Variants in XRCC5 observed in about 807,000 individuals in gnomAD.
XRCC5 encodes the protein DNA repair protein Ku80.
A neutral mutation model predicts 95.7 loss-of-function variants in XRCC5; 12 were observed. That is an observed-to-expected ratio of 0.13 (90% CI 0.08 to 0.20). The LOEUF is 0.20. Among genes scored for constraint, XRCC5 ranks in the 10% least tolerant of loss-of-function variants. The probability of loss-of-function intolerance (pLI) is 1.00; values close to 1 mark genes in which losing one functional copy is unlikely to be tolerated. For missense variants in XRCC5, 595 were observed against 873.9 expected (o/e 0.68, Z 4.02); for synonymous variants, 281 against 290.3 (o/e 0.97, Z 0.33).
intron 14 of XRCC5, among the ~76,000 whole-genome samples, chr2:216,151,684 C>A (rs1261913126): frequency 6.6e-6 from 1 of 152,152 alleles, no homozygotes; most frequent in Non-Finnish European, 1.5e-5. Flanking sequence ...ACTCTTGTAT[C>A]CCTAGGACCT....
intron 8 of XRCC5, among the ~76,000 whole-genome samples, chr2:216,129,385 A>C (rs1227903348): frequency 1.3e-5 from 2 of 152,094 alleles, no homozygotes; most frequent in Non-Finnish European, 1.5e-5. Context: ...TGGGCAAAGG[A>C]ATCTGGTTAA....
chr2:216,124,636 T>C (rs887053928), intron 6 of XRCC5, among the ~76,000 whole-genome samples: 2 of 152,208 alleles, frequency 1.3e-5, no homozygotes, highest in Non-Finnish European at 2.9e-5. Context: ...TACTATTCGT[T>C]GTAAATTATT....
chr2:216,119,598 A>T (rs1028418233), intron 5 of XRCC5, among the ~76,000 whole-genome samples: 3 of 152,208 alleles, frequency 2.0e-5, no homozygotes, highest in African/African-American at 7.2e-5. Context: ...GTAGACAGGA[A>T]TGCCAACTTG....
chr2:216,112,204 G>A (rs560759941), intron 1 of XRCC5, among the ~76,000 whole-genome samples: 2 of 152,216 alleles, frequency 1.3e-5, no homozygotes, highest in Non-Finnish European at 1.5e-5. Context: ...TCCTACATAC[G>A]TGATTGCTAT....
intron 1 of XRCC5, 99 bp downstream of exon 1, chr2:216,109,556 T>C: frequency 6.5e-7 from 1 of 1,540,792 alleles, no homozygotes; most frequent in Non-Finnish European, 8.9e-7. Flanking sequence ...AGACAAAGAA[T>C]GGGGCAAGAG....
At chr2:216,118,969 G>T in intron 4 of XRCC5, 74 bp from the exon 5 acceptor site, 2 of 1,518,856 alleles carry the variant, frequency 1.3e-6, no homozygotes, top group South Asian at 2.3e-5. Context: ...TCTCCTCAGT[G>T]ACCAAGTGTA....
chr2:216,140,688 T>C (rs892763545), intron 12 of XRCC5, among the ~76,000 whole-genome samples: 3 of 152,184 alleles, frequency 2.0e-5, no homozygotes, highest in Non-Finnish European at 4.4e-5. Flanking sequence ...AGGAATCAGC[T>C]CACCCTGATC....
intron 6 of XRCC5, among the ~76,000 whole-genome samples, chr2:216,124,496 G>T (rs958659149): frequency 6.6e-6 from 1 of 152,096 alleles, no homozygotes; most frequent in African/African-American, 2.4e-5. Context: ...AGGCCATGAG[G>T]TTTATATTCT....
chr2:216,140,976 G>T (rs1052629219), intron 12 of XRCC5, among the ~76,000 whole-genome samples: 6 of 152,110 alleles, frequency 3.9e-5, no homozygotes, highest in African/African-American at 1.4e-4. Context: ...GGTAGAACTG[G>T]AACCTAATCA....
At chr2:216,147,022 A>T (rs1246731518) in intron 13 of XRCC5, among the ~76,000 whole-genome samples, 2 of 152,220 alleles carry the variant, frequency 1.3e-5, no homozygotes, top group Non-Finnish European at 2.9e-5. Context: ...TGATAATTTT[A>T]GATAATGATG....
At chr2:216,126,558 A>T (rs1207405412) in intron 7 of XRCC5, among the ~76,000 whole-genome samples, 2 of 152,188 alleles carry the variant, frequency 1.3e-5, no homozygotes, top group South Asian at 2.1e-4. Context: ...GCTTTTGGTG[A>T]TTATTTGATG....
chr2:216,109,348 G>A lies in XRCC5; in HGVS notation c.-89G>A, dbSNP rs1696542031. The A allele has an allele frequency of 6.2e-7, 1 of 1,600,830 alleles. No individual in the cohort carries two copies. The highest frequency in any genetic ancestry group is 8.5e-7 in the Non-Finnish European group (1 of 1,173,578). On this transcript the variant is annotated 5_prime_UTR_variant, in exon 1 of 21. Coordinates refer to ENST00000392132, the MANE Select transcript of XRCC5 (RefSeq NM_021141.4). ...AGCAGGAAACGAAGCGGCTCTTTCC[G>A]CTATCTGCCGCTTGTCCACCGGAAG...
chr2:216,148,871 T>C (rs1368612423), intron 14 of XRCC5, among the ~76,000 whole-genome samples: 1 of 152,222 alleles, frequency 6.6e-6, no homozygotes, highest in Admixed American at 6.5e-5. Flanking sequence ...CCCTCTTCTG[T>C]TCACAATCTG....
intron 16 of XRCC5, among the ~76,000 whole-genome samples, chr2:216,183,791 C>A (rs1318044650): frequency 6.6e-6 from 1 of 152,130 alleles, no homozygotes; most frequent in Non-Finnish European, 1.5e-5. Context: ...GCTTCTCAGT[C>A]CAGCTGCTTA....
At position 216,126,046 on chromosome 2, in the gene XRCC5, C is replaced by A; in HGVS notation, c.798+15C>A. 1 of 1,591,922 alleles carries A rather than the reference C, an allele frequency of 6.3e-7. No individual in the cohort carries two copies. Among genetic ancestry groups the A allele is most frequent in the Non-Finnish European group, 8.6e-7 (1 of 1,160,734 alleles). The stretch of plus-strand genomic sequence containing the variant: ...CCTATAAATCGGTAAGTGGCAGGTA[C>A]ACATTTTTAACAGAAATGTTACCAG... On this transcript the variant is annotated intron_variant, in intron 7 of 20. Coordinates refer to ENST00000392132, the MANE Select transcript of XRCC5 (RefSeq NM_021141.4).
intron 16 of XRCC5, among the ~76,000 whole-genome samples, chr2:216,165,330 C>T (rs1382018227): frequency 6.6e-6 from 1 of 152,232 alleles, no homozygotes; most frequent in South Asian, 2.1e-4. Context: ...AGTATTTCGA[C>T]AAAAGATGTC....
intron 18 of XRCC5, among the ~76,000 whole-genome samples, chr2:216,194,704 CG>C (rs1319580411): frequency 6.6e-6 from 1 of 152,110 alleles, no homozygotes; most frequent in East Asian, 1.9e-4. Flanking sequence ...GGCACAGTGG[CG>C]CATGCTTGTA....
chr2:216,128,235 T>C (rs16855447), intron 8 of XRCC5, among the ~76,000 whole-genome samples: 8,115 of 152,264 alleles, frequency 0.053, 246 homozygotes, highest in African/African-American at 0.086. Context: ...GCTGAGGATA[T>C]CTGTATGTTC....
intron 13 of XRCC5, among the ~76,000 whole-genome samples, chr2:216,143,330 C>A (rs1203929231): frequency 1.3e-5 from 2 of 152,138 alleles, no homozygotes; most frequent in African/African-American, 4.8e-5. Context: ...ACTTGAAGAC[C>A]TAAAGCCTTG....
Sources: gnomAD v4.1 joint callset for allele counts (sites outside exome capture counted in the v4.1 genomes callset) on GRCh38, gnomAD v4.1.1 for gene constraint, MANE v1.5 for transcripts, NCBI Gene and HGNC (gene_info 2026-07-23, HGNC 2026-07-21) for gene names.